The following PSD3 variants were observed in gnomAD, a reference collection of about 807,000 sequenced individuals.
The protein encoded by PSD3 is PH and SEC7 domain-containing protein 3.
PSD3 carries 49 observed loss-of-function variants against 105.5 expected under a neutral mutation model. The ratio of observed to expected loss-of-function variants is 0.46; its 90% CI spans 0.37 to 0.59. PSD3 has a LOEUF of 0.59. Ranked by LOEUF, PSD3 falls within the 20% of genes least tolerant of loss-of-function variation. The pLI is 0.00. For missense variants in PSD3, 1,561 were observed against 1,263.8 expected, an observed-to-expected ratio of 1.24 and a Z score of -3.57; for synonymous variants, 557 against 457.8, an observed-to-expected ratio of 1.22 and a Z score of -2.77.
At chr8:19,022,770 C>A (rs1827404503) in intron 1 of PSD3, among the ~76,000 whole-genome samples, 1 of 152,026 alleles carries the variant, frequency 6.6e-6, no homozygotes, top group Non-Finnish European at 1.5e-5. Flanking sequence ...CTGTCATCAC[C>A]ATCTCCTCAT....
chr8:18,617,362 C>A (rs1805773141), intron 11 of PSD3, among the ~76,000 whole-genome samples: 1 of 152,038 alleles, frequency 6.6e-6, no homozygotes. Context: ...GAAACCCCAT[C>A]TCTACTAAAA....
chr8:18,645,279 C>A (rs560253561), intron 10 of PSD3, among the ~76,000 whole-genome samples: 12 of 152,234 alleles, frequency 7.9e-5, no homozygotes, highest in African/African-American at 2.6e-4. Flanking sequence ...CTTTAAATAC[C>A]AAAATCCAGA....
At chr8:18,693,703 T>A (rs1016853013) in intron 9 of PSD3, among the ~76,000 whole-genome samples, 17 of 152,218 alleles carry the variant, frequency 1.1e-4, no homozygotes, top group African/African-American at 4.1e-4. Flanking sequence ...ACACTTTTCC[T>A]ACGGAAGCAA....
chr8:18,657,140 G>C (rs1050120928), intron 9 of PSD3, among the ~76,000 whole-genome samples: 14 of 152,118 alleles, frequency 9.2e-5, no homozygotes, highest in African/African-American at 3.1e-4. Flanking sequence ...ACAAGAAAAG[G>C]CAGGTTCAGA....
chr8:18,723,817 TAGA>T (rs1188790283), intron 9 of PSD3, among the ~76,000 whole-genome samples: 1 of 152,252 alleles, frequency 6.6e-6, no homozygotes, highest in Non-Finnish European at 1.5e-5. Flanking sequence ...CTTAAATTTC[TAGA>T]AGATTTGATT....
intron 4 of PSD3, among the ~76,000 whole-genome samples, chr8:18,841,257 G>C (rs891841965): frequency 6.6e-6 from 1 of 152,102 alleles, no homozygotes; most frequent in Non-Finnish European, 1.5e-5. Context: ...ATTCATGCAT[G>C]CTCAGGCACT....
chr8:19,077,785 T>C (rs1398888941), intron 1 of PSD3, among the ~76,000 whole-genome samples: 1 of 152,338 alleles, frequency 6.6e-6, no homozygotes, highest in East Asian at 1.9e-4. Context: ...GCTTATTTAA[T>C]AGACATGCTA....
At chr8:18,610,027 A>G (rs973208508) in intron 11 of PSD3, among the ~76,000 whole-genome samples, 6 of 152,226 alleles carry the variant, frequency 3.9e-5, no homozygotes, top group African/African-American at 9.6e-5. Context: ...CAGTACTATT[A>G]CTACTATATA....
At chr8:18,735,574 C>T (rs1337612878) in intron 9 of PSD3, among the ~76,000 whole-genome samples, 1 of 152,166 alleles carries the variant, frequency 6.6e-6, no homozygotes, top group Non-Finnish European at 1.5e-5. Context: ...TCTACAAGCA[C>T]AGTTTTTCTC....
chr8:18,545,779 G>A (rs1040987242), intron 15 of PSD3, among the ~76,000 whole-genome samples: 5 of 152,124 alleles, frequency 3.3e-5, no homozygotes, highest in African/African-American at 1.2e-4. Flanking sequence ...TCCCTCAGAA[G>A]CACATTCCCA....
At chr8:18,872,797 T>G (rs1817481786) in intron 2 of PSD3, 64 bp from the exon 3 acceptor site, 3 of 1,428,826 alleles carry the variant, frequency 2.1e-6, no homozygotes, top group Non-Finnish European at 2.8e-6. Context: ...TAGGTAATAA[T>G]GCATATTCAC....
intron 9 of PSD3, among the ~76,000 whole-genome samples, chr8:18,698,200 C>A (rs868365058): frequency 2.2e-4 from 34 of 152,260 alleles, no homozygotes; most frequent in African/African-American, 7.9e-4. Context: ...CTAGGCTCAA[C>A]TGAGCCTCCT....
At chr8:18,554,478 C>T (rs1021016604) in intron 15 of PSD3, among the ~76,000 whole-genome samples, 1 of 151,994 alleles carries the variant, frequency 6.6e-6, no homozygotes, top group African/African-American at 2.4e-5. Context: ...ATAAATAGTT[C>T]TCTTAGTAGA....
intron 4 of PSD3, among the ~76,000 whole-genome samples, chr8:18,861,513 C>A (rs891047702): frequency 6.6e-6 from 1 of 152,096 alleles, no homozygotes; most frequent in Non-Finnish European, 1.5e-5. Flanking sequence ...TCCAATTTGA[C>A]CTCTTTATAT....
intron 9 of PSD3, among the ~76,000 whole-genome samples, chr8:18,657,542 A>G (rs1022095608): frequency 1.3e-5 from 2 of 152,226 alleles, no homozygotes; most frequent in African/African-American, 4.8e-5. Context: ...ATACTGAGGC[A>G]CAAAGACTAT....
intron 4 of PSD3, chr8:18,808,667 TCA>T: frequency 1.3e-6 from 2 of 1,553,546 alleles, no homozygotes; most frequent in South Asian, 1.1e-5. Context: ...TCTGTCCATT[TCA>T]CAGTTTAGGA....
chr8:18,799,517 A>G (rs1253912816), intron 7 of PSD3, among the ~76,000 whole-genome samples, 164 bp from the exon 8 acceptor site: 1 of 152,224 alleles, frequency 6.6e-6, no homozygotes, highest in African/African-American at 2.4e-5. Flanking sequence ...TAATTTATAG[A>G]AAGAACCTCA....
At chr8:18,988,605 C>T (rs925856025) in intron 1 of PSD3, among the ~76,000 whole-genome samples, 2 of 135,614 alleles carry the variant, frequency 1.5e-5, no homozygotes, top group Non-Finnish European at 3.4e-5. Context: ...CTCACCCAAC[C>T]CCCAATGCCA....
intron 8 of PSD3, among the ~76,000 whole-genome samples, chr8:18,785,948 G>A (rs933224538): frequency 6.6e-6 from 1 of 152,182 alleles, no homozygotes; most frequent in Non-Finnish European, 1.5e-5. Flanking sequence ...GCACTGATAA[G>A]ACTCGCTTGA....
Sources: gnomAD v4.1 joint callset for allele counts (sites outside exome capture counted in the v4.1 genomes callset) on GRCh38, gnomAD v4.1.1 for gene constraint, MANE v1.5 for transcripts, NCBI Gene and HGNC (gene_info 2026-07-23, HGNC 2026-07-21) for gene names.